COL13A1: variants seen among roughly 807,000 people sequenced by gnomAD.
COL13A1 encodes the protein collagen type XIII alpha 1 chain.
A neutral mutation model predicts 130.9 loss-of-function variants in COL13A1; 89 were observed. The ratio of observed to expected loss-of-function variants is 0.68; its 90% CI spans 0.57 to 0.81. The LOEUF (loss-of-function observed/expected upper bound fraction) is 0.81, where lower values mean the gene tolerates loss of function less well. Ranked by LOEUF, COL13A1 falls within the 30% of genes least tolerant of loss-of-function variation. The pLI is 0.00. For synonymous variants in COL13A1, 402 were observed against 341.6 expected, an observed-to-expected ratio of 1.18 and a Z score of -1.95; for missense variants, 879 against 934.6, an observed-to-expected ratio of 0.94 and a Z score of 0.78.
chr10:69,935,465 A>C, intron 32 of COL13A1, 74 bp downstream of exon 32: 6 of 1,139,788 alleles, frequency 5.3e-6, no homozygotes, highest in South Asian at 1.6e-5. Flanking sequence ...GCTCAACCTC[A>C]GCCTTAGTCA....
chr10:69,898,590 C>A, intron 13 of COL13A1, 107 bp from the exon 14 acceptor site: 2 of 812,990 alleles, frequency 2.5e-6, no homozygotes, highest in South Asian at 1.7e-5. Flanking sequence ...TCCTCTGCTC[C>A]GGTCCCTCTT....
At chr10:69,876,503 G>T (rs2059583941) in intron 5 of COL13A1, among the ~76,000 whole-genome samples, 1 of 152,176 alleles carries the variant, frequency 6.6e-6, no homozygotes, top group Non-Finnish European at 1.5e-5. Context: ...AGGCATGCAG[G>T]CTGGGAGCCC....
intron 14 of COL13A1, 132 bp from the exon 15 acceptor site, chr10:69,902,616 C>T: frequency 1.5e-6 from 1 of 651,386 alleles, no homozygotes; most frequent in Non-Finnish European, 2.5e-6. Context: ...CATGCCACCG[C>T]TTCCTCCCCC....
At chr10:69,950,308 G>A (rs1350994273) in intron 38 of COL13A1, among the ~76,000 whole-genome samples, 1 of 152,106 alleles carries the variant, frequency 6.6e-6, no homozygotes, top group African/African-American at 2.4e-5. Flanking sequence ...CTGTCTGGGG[G>A]TGGGAGGCAG....
intron 1 of COL13A1, among the ~76,000 whole-genome samples, chr10:69,811,015 C>T (rs1842901546): frequency 6.6e-6 from 1 of 152,210 alleles, no homozygotes; most frequent in African/African-American, 2.4e-5. Context: ...CCCTGTCTCC[C>T]TGCCTGGCGG....
chr10:69,927,328 G>A (rs1210726073), intron 27 of COL13A1, among the ~76,000 whole-genome samples: 1 of 152,162 alleles, frequency 6.6e-6, no homozygotes, highest in African/African-American at 2.4e-5. Flanking sequence ...CCTGGGTCAT[G>A]GGTGTCCTCT....
chr10:69,948,314 T>C (rs1166514755), intron 38 of COL13A1, among the ~76,000 whole-genome samples: 1 of 148,796 alleles, frequency 6.7e-6, no homozygotes, highest in African/African-American at 2.5e-5. Flanking sequence ...AGAATGCCTA[T>C]GCTCCTATCT....
At chr10:69,848,068 C>A (rs1418339644) in intron 2 of COL13A1, among the ~76,000 whole-genome samples, 2 of 152,214 alleles carry the variant, frequency 1.3e-5, no homozygotes, top group African/African-American at 2.4e-5. Context: ...CAGATGGAGT[C>A]TCCAGTCATT....
At chr10:69,853,193 G>A (rs1372849951) in intron 2 of COL13A1, among the ~76,000 whole-genome samples, 2 of 152,200 alleles carry the variant, frequency 1.3e-5, no homozygotes, top group East Asian at 3.8e-4. Context: ...ATTCCATGAG[G>A]AGGGGAAGCC....
intron 2 of COL13A1, 26 bp downstream of exon 2, chr10:69,822,464 C>T (rs370134687): frequency 7.5e-4 from 1,159 of 1,553,480 alleles, no homozygotes; most frequent in Non-Finnish European, 9.0e-4. Flanking sequence ...AATAGGTGAC[C>T]GCGGATGTTC....
intron 7 of COL13A1, among the ~76,000 whole-genome samples, chr10:69,880,933 G>A (rs1040785764): frequency 8.5e-5 from 13 of 152,330 alleles, no homozygotes; most frequent in Non-Finnish European, 1.9e-4. Context: ...GAGCAGATAC[G>A]AGTCCGGGTT....
intron 17 of COL13A1, among the ~76,000 whole-genome samples, chr10:69,913,960 G>C (rs1320227086): frequency 6.6e-6 from 1 of 152,148 alleles, no homozygotes; most frequent in Non-Finnish European, 1.5e-5. Flanking sequence ...AAGGGGCGAA[G>C]GTCAGCCACC....
chr10:69,937,739 A>T, intron 34 of COL13A1, 24 bp downstream of exon 34: 1 of 1,151,936 alleles, frequency 8.7e-7, no homozygotes, highest in Non-Finnish European at 1.3e-6. Context: ...ACCCAGCAAG[A>T]CTGGTGGGTT....
intron 6 of COL13A1, 95 bp downstream of exon 6, chr10:69,878,160 C>T (rs542119581): frequency 1.0e-5 from 7 of 687,786 alleles, no homozygotes; most frequent in Admixed American, 4.0e-5. Flanking sequence ...CCATGAAAGC[C>T]GCAGCAGAGG....
chr10:69,890,455 A>G (rs537571268), intron 10 of COL13A1, among the ~76,000 whole-genome samples: 2 of 152,390 alleles, frequency 1.3e-5, no homozygotes, highest in East Asian at 3.9e-4. Context: ...CCTGCTCCAC[A>G]GGTTGGTGGG....
chr10:69,821,039 G>A (rs1397691877), intron 1 of COL13A1, among the ~76,000 whole-genome samples: 1 of 152,208 alleles, frequency 6.6e-6, no homozygotes, highest in Admixed American at 6.5e-5. Flanking sequence ...TTTCACAGTA[G>A]TGAGGAAGCA....
chr10:69,904,202 G>A lies in COL13A1; in HGVS notation c.859-731G>A, dbSNP rs148413178. Reference sequence around the variant, plus strand: ...GCTCCAAATTCACTTTTTGCTGACCGCTGCCCTTTCTACCCCACCCCCCTC... The same window carrying A: ...GCTCCAAATTCACTTTTTGCTGACCACTGCCCTTTCTACCCCACCCCCCTC... On this transcript the variant is annotated intron_variant, in intron 15 of 40. Coordinates refer to ENST00000645393, the MANE Select transcript of COL13A1 (RefSeq NM_001368882.1). Among the ~76,000 whole-genome samples, 46 of 152,170 alleles carry A rather than the reference G, an allele frequency of 3.0e-4. 1 individual carries two copies. Among genetic ancestry groups the A allele is most frequent in the African/African-American group, 9.9e-4 (41 of 41,510 alleles).
rs550394459 is a variant in COL13A1 at position 69,952,963 on chromosome 10, C to T, written c.2140C>T (p.Pro714Ser). 3.9e-6 allele frequency: 6 copies of T among 1,533,806 alleles called. No homozygotes were observed. The African/African-American group carries it at 8.6e-5, about 22-fold the overall frequency. ...AGCGCCTGGATTAGATGCCCCCTGC[C>T]CATTGGTATGTTTTTGTTTATCACT... ...QGAPGLDAPC[P>S]LGEDGLPVQG... Residue 714 changes from proline (P) to serine (S), a missense_variant, in exon 39 of 41, where the codon CCA (proline) becomes TCA (serine). This residue lies in a region of COL13A1 where 68 missense variants were observed against 65.8 expected (regional missense o/e 1.03). Coordinates refer to ENST00000645393, the MANE Select transcript of COL13A1 (RefSeq NM_001368882.1).
chr10:69,830,657 G>A (rs1450673750), intron 2 of COL13A1, among the ~76,000 whole-genome samples: 2 of 152,190 alleles, frequency 1.3e-5, no homozygotes, highest in Non-Finnish European at 2.9e-5. Flanking sequence ...GGGTGCTTAG[G>A]GAGGTTCAGC....
Sources: gnomAD v4.1 joint callset for allele counts (sites outside exome capture counted in the v4.1 genomes callset) on GRCh38, gnomAD v4.1.1 for gene constraint, gnomAD v4.1.1 regional missense constraint, MANE v1.5 for transcripts, NCBI Gene and HGNC (gene_info 2026-07-23, HGNC 2026-07-21) for gene names.